Variants in NLGN1 observed in about 807,000 individuals in gnomAD.
NLGN1 encodes the protein neuroligin 1, also known as neuroligin-1.
NLGN1 carries 12 observed loss-of-function variants against 65.5 expected under a neutral mutation model. The observed-to-expected ratio is 0.18, with a 90% CI of 0.12 to 0.30. The LOEUF (loss-of-function observed/expected upper bound fraction) is 0.30, where lower values mean the gene tolerates loss of function less well. Ranked by LOEUF, NLGN1 falls within the 10% of genes least tolerant of loss-of-function variation. The pLI, the probability that NLGN1 is intolerant of heterozygous loss-of-function variation, is 1.00. For missense variants in NLGN1, 750 were observed against 1,007.1 expected (o/e 0.74, Z 3.46); for synonymous variants, 350 against 359.5 (o/e 0.97, Z 0.30).
At chr3:173,931,577 T>G (rs1193165326) in intron 4 of NLGN1, among the ~76,000 whole-genome samples, 1 of 152,052 alleles carries the variant, frequency 6.6e-6, no homozygotes, top group Non-Finnish European at 1.5e-5. Context: ...TCCTGGATAT[T>G]GAAGGAACAG....
intron 3 of NLGN1, among the ~76,000 whole-genome samples, chr3:173,665,238 G>A (rs1761533203): frequency 1.3e-5 from 2 of 152,110 alleles, no homozygotes; most frequent in South Asian, 2.1e-4. Context: ...ATGACAGTGA[G>A]TTAGTTCTCA....
chr3:174,264,725 A>C (rs1200258766), intron 4 of NLGN1, among the ~76,000 whole-genome samples: 1 of 151,922 alleles, frequency 6.6e-6, no homozygotes, highest in Non-Finnish European at 1.5e-5. Context: ...GTTGCTGGTG[A>C]GGAGCTGCGT....
intron 2 of NLGN1, among the ~76,000 whole-genome samples, chr3:173,550,142 G>A (rs1740592632): frequency 6.6e-6 from 1 of 152,016 alleles, no homozygotes; most frequent in Admixed American, 6.6e-5. Flanking sequence ...CAATATGGCA[G>A]CTTGTTCTAA....
intron 4 of NLGN1, among the ~76,000 whole-genome samples, chr3:174,206,697 G>A (rs1315071418): frequency 6.6e-6 from 1 of 152,188 alleles, no homozygotes. Context: ...AGAACAGTCT[G>A]CTGTGCTTCC....
chr3:173,493,102 A>G (rs1288047121), intron 2 of NLGN1, among the ~76,000 whole-genome samples: 1 of 151,822 alleles, frequency 6.6e-6, no homozygotes, highest in South Asian at 2.1e-4. Context: ...AGTTTTACCT[A>G]TGGTAAATTT....
At chr3:174,259,913 C>G (rs1746538101) in intron 4 of NLGN1, among the ~76,000 whole-genome samples, 2 of 145,896 alleles carry the variant, frequency 1.4e-5, no homozygotes, top group African/African-American at 5.0e-5. Flanking sequence ...CAATTCCCAC[C>G]TATGAGTGAG....
At chr3:174,008,154 C>A (rs1203628907) in intron 4 of NLGN1, among the ~76,000 whole-genome samples, 1 of 152,104 alleles carries the variant, frequency 6.6e-6, no homozygotes, top group African/African-American at 2.4e-5. Context: ...TTTAGCTGTG[C>A]CTCTGTTCCA....
At chr3:173,491,276 C>T (rs1185288453) in intron 2 of NLGN1, among the ~76,000 whole-genome samples, 5 of 151,840 alleles carry the variant, frequency 3.3e-5, no homozygotes, top group Admixed American at 2.6e-4. Flanking sequence ...CCCATCAATA[C>T]CTAACTTATT....
intron 4 of NLGN1, chr3:174,202,810 TA>T (rs1476214904): frequency 6.6e-6 from 1 of 152,124 alleles, no homozygotes; most frequent in African/African-American, 2.4e-5. Flanking sequence ...GCAGTAATAA[TA>T]AAGGTCAGCA....
intron 2 of NLGN1, among the ~76,000 whole-genome samples, chr3:173,440,819 C>T (rs1370305607): frequency 6.6e-6 from 1 of 152,152 alleles, no homozygotes; most frequent in Non-Finnish European, 1.5e-5. Context: ...AAGTCTCTAG[C>T]TGCATTAGCC....
chr3:173,997,187 ATAAT>A (rs1403933992), intron 4 of NLGN1, among the ~76,000 whole-genome samples: 1 of 152,134 alleles, frequency 6.6e-6, no homozygotes, highest in Non-Finnish European at 1.5e-5. Flanking sequence ...GGATGAGATA[ATAAT>A]TATTAATTAT....
the NLGN1 span, among the ~76,000 whole-genome samples, chr3:174,292,706 G>A: frequency 6.6e-6 from 1 of 151,472 alleles, no homozygotes; most frequent in Non-Finnish European, 1.5e-5. Flanking sequence ...AGAAGGAATT[G>A]TTGTATTATA....
chr3:173,744,128 C>T (rs1480637555), intron 3 of NLGN1, among the ~76,000 whole-genome samples: 1 of 152,006 alleles, frequency 6.6e-6, no homozygotes, highest in Non-Finnish European at 1.5e-5. Context: ...TATATCTGTG[C>T]TTTATCCACT....
rs5854520 is a variant in NLGN1, at chr3:173,614,029, T to TA, written c.493+8953dup. 6.5e-3 allele frequency among the ~76,000 whole-genome samples: 897 copies of TA among 137,514 alleles called. 3 individuals carry two copies. The highest frequency in any genetic ancestry group is 0.01 in the Non-Finnish European group (640 of 63,478). 90.2% of individuals were successfully genotyped at this position (137,514 alleles called of 152,430 possible). A position where few individuals can be genotyped will look rare whatever the true frequency, so the allele number is the denominator to read the frequency against. ...AGATCTTTGGAGTAGTTATTCCACT[T>TA]AAAAAAAAAAAAAAAGACCATATCA... is the stretch of plus-strand genomic sequence containing the variant. On this transcript the variant is annotated intron_variant, in intron 3 of 6. Transcript: ENST00000457714.
At chr3:173,750,330 G>A (rs1258680733) in intron 3 of NLGN1, among the ~76,000 whole-genome samples, 1 of 152,018 alleles carries the variant, frequency 6.6e-6, no homozygotes, top group Non-Finnish European at 1.5e-5. Context: ...TTTCCTCATG[G>A]CTTACACCAT....
At position 173,413,413 on chromosome 3, in the gene NLGN1, G is replaced by A. The variant is rs369514011; in HGVS notation, c.-390+14926G>A. Among the ~76,000 whole-genome samples the A allele has an allele frequency of 1.7e-4, 26 of 151,988 alleles. 1 individual carries two copies. The highest frequency in any genetic ancestry group is 2.0e-4 in the Admixed American group (3 of 15,256). Reference sequence around the variant, plus strand: ...TCAGGAGTTCAAGACCAGCCTGACCGATACGATGAAACCCCATCTCTACTA... The same window carrying A: ...TCAGGAGTTCAAGACCAGCCTGACCAATACGATGAAACCCCATCTCTACTA... On this transcript the variant is annotated intron_variant, in intron 1 of 6. Coordinates refer to ENST00000457714, the Ensembl canonical transcript of NLGN1.
At chr3:173,712,179 G>GT (rs947601940) in intron 3 of NLGN1, among the ~76,000 whole-genome samples, 6 of 147,878 alleles carry the variant, frequency 4.1e-5, no homozygotes, top group Admixed American at 2.7e-4. Flanking sequence ...TTATTCTGCA[G>GT]TTTTTTTGTT....
chr3:174,099,514 G>T (rs6789218), intron 4 of NLGN1, among the ~76,000 whole-genome samples: 1 of 151,970 alleles, frequency 6.6e-6, no homozygotes, highest in African/African-American at 2.4e-5. Context: ...ATAGCAATGC[G>T]TAACAATATT....
intron 4 of NLGN1, among the ~76,000 whole-genome samples, chr3:174,263,501 G>A (rs1195232801): frequency 6.7e-6 from 1 of 150,050 alleles, no homozygotes; most frequent in Non-Finnish European, 1.5e-5. Flanking sequence ...GACTAGGATT[G>A]CAACCCCTGC....
Sources: allele counts gnomAD v4.1 joint callset (sites outside exome capture counted in the v4.1 genomes callset), GRCh38; gene constraint gnomAD v4.1.1; transcripts MANE v1.5; gene names NCBI Gene and HGNC (gene_info 2026-07-23, HGNC 2026-07-21).